MYO1E: variants seen among roughly 807,000 people sequenced by gnomAD.
The protein encoded by MYO1E is myosin IE, also known as unconventional myosin-Ie.
A neutral mutation model predicts 151.1 loss-of-function variants in MYO1E; 68 were observed. That is an observed-to-expected ratio of 0.45 (90% CI 0.37 to 0.55). The LOEUF (loss-of-function observed/expected upper bound fraction) is 0.55. Among genes scored for constraint, MYO1E ranks in the 20% least tolerant of loss-of-function variants. The probability of loss-of-function intolerance (pLI) is 0.00; values close to 1 mark genes in which losing one functional copy is unlikely to be tolerated. For missense variants in MYO1E, 1,363 were observed against 1,389.3 expected (o/e 0.98, Z 0.30); for synonymous variants, 601 against 501.7 (o/e 1.20, Z -2.64).
At chr15:59,205,249 A>G in intron 15 of MYO1E, 151 bp downstream of exon 15, 1 of 820,070 alleles carries the variant, frequency 1.2e-6, no homozygotes, top group East Asian at 2.4e-5. Flanking sequence ...TGCAGCCTCA[A>G]ACTCCTAGGA....
intron 19 of MYO1E, 111 bp downstream of exon 19, chr15:59,178,282 C>T: frequency 2.2e-6 from 3 of 1,378,140 alleles, no homozygotes; most frequent in Middle Eastern, 5.1e-4. Context: ...GAGGAGACAA[C>T]ATTGATGGCA....
rs557316123 is a variant in MYO1E at position 59,211,782 on chromosome 15, G to C, written c.1276-1182C>G. Among the ~76,000 whole-genome samples, 18 of 152,012 alleles carry C rather than the reference G, an allele frequency of 1.2e-4. No homozygotes were observed. In the South Asian group the frequency reaches 3.3e-3, roughly 28 times the overall value. On this transcript the variant is annotated intron_variant, in intron 12 of 27. Transcript: ENST00000288235. Reference sequence around the variant, plus strand: ...TTTCTTGGCTATTGCTAATTATTTTGAGCAAGTCCCATTCTCTCACTCTCC... The same window carrying C: ...TTTCTTGGCTATTGCTAATTATTTTCAGCAAGTCCCATTCTCTCACTCTCC...
At chr15:59,297,013 G>A (rs6494094) in intron 1 of MYO1E, among the ~76,000 whole-genome samples, 41,356 of 76,246 alleles carry the variant, frequency 0.54, 15,746 homozygotes, top group South Asian at 0.79. Flanking sequence ...CTAATCGCCC[G>A]GCTAATTTTT....
At chr15:59,211,473 C>A (rs533317765) in intron 12 of MYO1E, among the ~76,000 whole-genome samples, 64 of 151,718 alleles carry the variant, frequency 4.2e-4, no homozygotes, top group African/African-American at 1.5e-3. Flanking sequence ...TTCAATCAAT[C>A]CCATGGCTTT....
rs147343050 is a variant in MYO1E, at chr15:59,232,542, A to G, written c.421-751T>C. On this transcript the variant is annotated intron_variant, in intron 5 of 27. Transcript: ENST00000288235. ...GAAGTGTGCAAAACACACCATAGAC[A>G]TGAGACAGCTCAATAGATAGAATTT... Among the ~76,000 whole-genome samples, 898 of 152,364 alleles carry G rather than the reference A, an allele frequency of 5.9e-3. 5 individuals are homozygous for G. The highest frequency in any genetic ancestry group is 0.021 in the African/African-American group (863 of 41,592).
intron 17 of MYO1E, among the ~76,000 whole-genome samples, chr15:59,188,985 A>G (rs1223768240): frequency 6.6e-6 from 1 of 152,250 alleles, no homozygotes; most frequent in Non-Finnish European, 1.5e-5. Flanking sequence ...GGCATTTAAA[A>G]CTATTAATTT....
chr15:59,236,406 AC>A, intron 5 of MYO1E, among the ~76,000 whole-genome samples, 178 bp downstream of exon 5: 1 of 150,902 alleles, frequency 6.6e-6, no homozygotes, highest in African/African-American at 2.5e-5. Flanking sequence ...ACACACACAC[AC>A]ACACACACAC....
At chr15:59,343,147 T>C (rs1468253234) in intron 1 of MYO1E, among the ~76,000 whole-genome samples, 1 of 152,216 alleles carries the variant, frequency 6.6e-6, no homozygotes, top group African/African-American at 2.4e-5. Flanking sequence ...AACATCCTTT[T>C]CTTTCAGATT....
At chr15:59,240,915 T>C (rs8027766) in intron 4 of MYO1E, among the ~76,000 whole-genome samples, 27,662 of 152,294 alleles carry the variant, frequency 0.18, 2,743 homozygotes, top group Non-Finnish European at 0.22. Flanking sequence ...CAGAATGAGA[T>C]GTGGCTCCTG....
At chr15:59,369,286 T>C (rs2140446366) in intron 1 of MYO1E, among the ~76,000 whole-genome samples, 1 of 152,306 alleles carries the variant, frequency 6.6e-6, no homozygotes, top group South Asian at 2.1e-4. Flanking sequence ...TATATGCAAG[T>C]AAGGAAAAGG....
intron 1 of MYO1E, among the ~76,000 whole-genome samples, chr15:59,357,212 T>C (rs1004648516): frequency 2.0e-5 from 3 of 151,558 alleles, no homozygotes; most frequent in Non-Finnish European, 4.4e-5. Flanking sequence ...GGTCCTCTCA[T>C]TAAGTTTTAA....
intron 17 of MYO1E, among the ~76,000 whole-genome samples, chr15:59,193,943 G>T: frequency 6.6e-6 from 1 of 152,282 alleles, no homozygotes; most frequent in South Asian, 2.1e-4. Context: ...TTGGGAGGCC[G>T]AGGCAGTTGG....
intron 5 of MYO1E, among the ~76,000 whole-genome samples, chr15:59,235,206 A>AT (rs1435568447): frequency 3.4e-4 from 51 of 151,996 alleles, no homozygotes; most frequent in African/African-American, 1.1e-3. Flanking sequence ...TAAAATTTTT[A>AT]TAAGTTTCTT....
intron 18 of MYO1E, among the ~76,000 whole-genome samples, chr15:59,179,195 G>A (rs1229376924): frequency 1.3e-5 from 2 of 152,002 alleles, no homozygotes; most frequent in East Asian, 1.9e-4. Context: ...CTCATCACTC[G>A]GCTGGCTCCC....
intron 1 of MYO1E, among the ~76,000 whole-genome samples, chr15:59,313,856 C>T (rs1363551644): frequency 1.3e-5 from 2 of 152,188 alleles, no homozygotes; most frequent in African/African-American, 4.8e-5. Flanking sequence ...TGGCTTGGGA[C>T]TTTCTGTACC....
intron 1 of MYO1E, among the ~76,000 whole-genome samples, chr15:59,365,016 T>C (rs906348503): frequency 2.6e-5 from 4 of 151,432 alleles, no homozygotes; most frequent in Non-Finnish European, 5.9e-5. Context: ...GGGTGAATTA[T>C]TCTAAATTTC....
chr15:59,290,721 A>C (rs1481804074), intron 1 of MYO1E, among the ~76,000 whole-genome samples: 1 of 152,210 alleles, frequency 6.6e-6, no homozygotes, highest in Non-Finnish European at 1.5e-5. Context: ...ATAGACATCA[A>C]TTGCCAAAAC....
intron 2 of MYO1E, among the ~76,000 whole-genome samples, chr15:59,268,820 G>C (rs1445487456): frequency 1.4e-5 from 2 of 138,594 alleles, no homozygotes; most frequent in Non-Finnish European, 3.1e-5. Context: ...TTTTGAAGAA[G>C]ATATATAAGA....
At chr15:59,204,995 T>A (rs1354957175) in intron 15 of MYO1E, among the ~76,000 whole-genome samples, 2 of 152,118 alleles carry the variant, frequency 1.3e-5, no homozygotes, top group Non-Finnish European at 2.9e-5. Flanking sequence ...CACTTGGAAT[T>A]TGGGGGCATG....
Sources: gnomAD v4.1 joint callset for allele counts (sites outside exome capture counted in the v4.1 genomes callset) on GRCh38, gnomAD v4.1.1 for gene constraint, MANE v1.5 for transcripts, NCBI Gene and HGNC (gene_info 2026-07-23, HGNC 2026-07-21) for gene names.